The following PTPRD variants were observed in gnomAD, a reference collection of about 807,000 sequenced individuals.
The protein encoded by PTPRD is protein tyrosine phosphatase receptor type D, also known as receptor-type tyrosine-protein phosphatase delta.
PTPRD carries 34 observed loss-of-function variants against 214.5 expected under a neutral mutation model. That is an observed-to-expected ratio of 0.16 (90% CI 0.12 to 0.21). The LOEUF (loss-of-function observed/expected upper bound fraction) is 0.21, where lower values mean the gene tolerates loss of function less well. Among genes scored for constraint, PTPRD ranks in the 10% least tolerant of loss-of-function variants. The probability of loss-of-function intolerance (pLI) is 1.00; values close to 1 mark genes in which losing one functional copy is unlikely to be tolerated. For synonymous variants in PTPRD, 1,128 were observed against 845.7 expected (o/e 1.33, Z -5.79); for missense variants, 2,545 against 2,398.7 (o/e 1.06, Z -1.27).
At chr9:9,361,288 G>A (rs1012517400) in intron 9 of PTPRD, among the ~76,000 whole-genome samples, 1 of 150,924 alleles carries the variant, frequency 6.6e-6, no homozygotes, top group African/African-American at 2.4e-5. Context: ...TACCACCGGG[G>A]ATATCTTTCA....
At chr9:8,759,039 T>G (rs541387962) in intron 11 of PTPRD, among the ~76,000 whole-genome samples, 1 of 151,720 alleles carries the variant, frequency 6.6e-6, no homozygotes, top group East Asian at 1.9e-4. Flanking sequence ...TGGGTTTTTT[T>G]TTTTTTAGAA....
At chr9:10,063,710 G>C (rs1351172184) in intron 3 of PTPRD, among the ~76,000 whole-genome samples, 1 of 151,968 alleles carries the variant, frequency 6.6e-6, no homozygotes, top group African/African-American at 2.4e-5. Flanking sequence ...TTCAGATATA[G>C]AATCTGAGGT....
intron 12 of PTPRD, among the ~76,000 whole-genome samples, chr9:8,733,426 T>C (rs1288972930): frequency 2.0e-5 from 3 of 152,082 alleles, no homozygotes; most frequent in Non-Finnish European, 4.4e-5. Context: ...AAATTTTGAG[T>C]GGGTCTGAAC....
At chr9:8,633,180 A>G in intron 14 of PTPRD, 137 bp downstream of exon 14, 1 of 1,097,364 alleles carries the variant, frequency 9.1e-7, no homozygotes. Flanking sequence ...CTGTCTAATT[A>G]AAGTTCAAGT....
chr9:8,418,552 A>T (rs1384647626), intron 35 of PTPRD, among the ~76,000 whole-genome samples: 1 of 151,574 alleles, frequency 6.6e-6, no homozygotes, highest in Non-Finnish European at 1.5e-5. Flanking sequence ...GTGCATGTAA[A>T]ATGTATGTAA....
intron 7 of PTPRD, among the ~76,000 whole-genome samples, chr9:9,731,731 T>C (rs1159060294): frequency 1.3e-5 from 2 of 152,200 alleles, no homozygotes; most frequent in Non-Finnish European, 2.9e-5. Context: ...ACACCGCATG[T>C]TCTCACTCAT....
intron 9 of PTPRD, among the ~76,000 whole-genome samples, chr9:9,338,355 G>C (rs976705364): frequency 2.6e-5 from 4 of 152,044 alleles, no homozygotes; most frequent in African/African-American, 9.7e-5. Context: ...GATGAAAATA[G>C]GTATCTGAAA....
chr9:9,854,578 C>T (rs569608050), intron 5 of PTPRD, among the ~76,000 whole-genome samples: 26 of 151,956 alleles, frequency 1.7e-4, no homozygotes, highest in Non-Finnish European at 3.2e-4. Flanking sequence ...ATAAATTTAA[C>T]TACCACAGAT....
chr9:9,915,367 T>C (rs571956597), intron 5 of PTPRD, among the ~76,000 whole-genome samples: 79 of 151,790 alleles, frequency 5.2e-4, no homozygotes, highest in Non-Finnish European at 1.0e-3. Context: ...ACTGATTATC[T>C]AGTAAACAGA....
chr9:9,393,389 C>A (rs1178375785), intron 9 of PTPRD, among the ~76,000 whole-genome samples: 1 of 152,110 alleles, frequency 6.6e-6, no homozygotes, highest in Non-Finnish European at 1.5e-5. Flanking sequence ...ATGCGAAAAA[C>A]CATGCTAGTC....
At chr9:9,828,699 A>G (rs1487672862) in intron 5 of PTPRD, among the ~76,000 whole-genome samples, 2 of 151,728 alleles carry the variant, frequency 1.3e-5, no homozygotes, top group Admixed American at 1.3e-4. Context: ...ATCTAAAGGT[A>G]AGAACCTAAG....
chr9:9,685,935 CTCT>C (rs2097159164), intron 7 of PTPRD, among the ~76,000 whole-genome samples: 1 of 151,152 alleles, frequency 6.6e-6, no homozygotes, highest in South Asian at 2.1e-4. Flanking sequence ...AAAATATTAT[CTCT>C]TAATTTTAAA....
intron 8 of PTPRD, among the ~76,000 whole-genome samples, chr9:9,426,554 T>A (rs1280664871): frequency 1.3e-5 from 2 of 151,550 alleles, no homozygotes; most frequent in East Asian, 3.9e-4. Flanking sequence ...CTTTGAAGAG[T>A]GTAGTGGATC....
chr9:8,830,486 T>C (rs763746586), intron 11 of PTPRD, among the ~76,000 whole-genome samples: 2 of 152,092 alleles, frequency 1.3e-5, no homozygotes, highest in Non-Finnish European at 2.9e-5. Context: ...AAGTGGAGAA[T>C]GGGCTTCAGT....
intron 3 of PTPRD, among the ~76,000 whole-genome samples, chr9:10,301,216 C>A (rs548007856): frequency 2.0e-5 from 3 of 152,220 alleles, no homozygotes; most frequent in East Asian, 1.9e-4. Flanking sequence ...AAAGGAAGAG[C>A]ATCAACATCA....
chr9:9,659,041 T>C (rs952382887), intron 7 of PTPRD, among the ~76,000 whole-genome samples: 23 of 152,156 alleles, frequency 1.5e-4, no homozygotes, highest in African/African-American at 5.5e-4. Context: ...AGGCAGGACT[T>C]TGGAAAGATG....
At chr9:9,574,123 C>T (rs137994218) in intron 8 of PTPRD, among the ~76,000 whole-genome samples, 19 of 151,944 alleles carry the variant, frequency 1.3e-4, no homozygotes, top group African/African-American at 4.6e-4. Flanking sequence ...CACAAATAAA[C>T]TCATATTTAT....
At chr9:9,844,774 T>C (rs1304913873) in intron 5 of PTPRD, among the ~76,000 whole-genome samples, 1 of 151,758 alleles carries the variant, frequency 6.6e-6, no homozygotes. Flanking sequence ...CCAGGAGTTT[T>C]AGAATACTTA....
intron 2 of PTPRD, among the ~76,000 whole-genome samples, chr9:10,552,455 C>A (rs552784212): frequency 6.6e-6 from 1 of 151,972 alleles, no homozygotes; most frequent in Non-Finnish European, 1.5e-5. Flanking sequence ...ATTTCACACT[C>A]TTCTCATTCT....
Sources: allele counts gnomAD v4.1 joint callset (sites outside exome capture counted in the v4.1 genomes callset), GRCh38; gene constraint gnomAD v4.1.1; transcripts MANE v1.5; gene names NCBI Gene and HGNC (gene_info 2026-07-23, HGNC 2026-07-21).